The following DIAPH2 variants were observed in gnomAD, a reference collection of about 807,000 sequenced individuals.
DIAPH2 encodes the protein diaphanous related formin 2, also known as protein diaphanous homolog 2.
Under a neutral mutation model 92.7 loss-of-function variants are expected in DIAPH2, and 35 were observed. The ratio of observed to expected loss-of-function variants is 0.38; its 90% CI spans 0.29 to 0.50. The LOEUF (loss-of-function observed/expected upper bound fraction) is 0.50. Ranked by LOEUF, DIAPH2 falls within the 20% of genes least tolerant of loss-of-function variation. The probability of loss-of-function intolerance (pLI) is 0.94; values close to 1 mark genes in which losing one functional copy is unlikely to be tolerated. For missense variants in DIAPH2, 701 were observed against 819.5 expected (o/e 0.86, Z 1.77); for synonymous variants, 301 against 280.4 (o/e 1.07, Z -0.73).
At chrX:96,817,608 C>T (rs1349668797) in intron 4 of DIAPH2, among the ~76,000 whole-genome samples, 4 of 111,294 alleles carry the variant, frequency 3.6e-5, no homozygotes, top group African/African-American at 1.3e-4. Flanking sequence ...ATTTATTTCT[C>T]ACGGTTCTGG....
At chrX:97,503,891 A>G (rs1347220179) in intron 26 of DIAPH2, among the ~76,000 whole-genome samples, 3 of 112,071 alleles carry the variant, frequency 2.7e-5, no homozygotes, top group Non-Finnish European at 3.8e-5. Flanking sequence ...GTCTAATTTT[A>G]TGCATTCAAC....
chrX:97,522,261 C>G (rs2070996221), intron 26 of DIAPH2, among the ~76,000 whole-genome samples: 1 of 111,997 alleles, frequency 8.9e-6, no homozygotes, highest in Non-Finnish European at 1.9e-5. Flanking sequence ...CTCGTGTGAT[C>G]TTGTTACTCT....
chrX:96,988,430 T>C (rs1410691743), intron 17 of DIAPH2, among the ~76,000 whole-genome samples: 1 of 110,353 alleles, frequency 9.1e-6, no homozygotes, highest in Non-Finnish European at 1.9e-5. Flanking sequence ...GCAGTACTTT[T>C]TTTTTTTAAA....
At position 96,773,244 on chromosome X, in the gene DIAPH2, C is replaced by G. The variant is rs564250044; in HGVS notation, c.447+14986C>G. Among the ~76,000 whole-genome samples, 16 of 86,472 alleles carry G rather than the reference C, an allele frequency of 1.9e-4. 1 individual carries two copies. The highest frequency in any genetic ancestry group is 2.4e-4 in the African/African-American group (6 of 24,590). 75.1% of individuals were successfully genotyped at this position (86,472 alleles called of 115,157 possible). A position where few individuals can be genotyped will look rare whatever the true frequency, so the allele number is the denominator to read the frequency against. On this transcript the variant is annotated intron_variant, in intron 4 of 26. Coordinates refer to ENST00000324765, the MANE Select transcript of DIAPH2 (RefSeq NM_006729.5). Reference sequence around the variant, plus strand: ...GTTACCGGCTGAATTGTTTCCCCCCCCCTCCCGCCCTCCCCAAATTTGTAT... The same window carrying G: ...GTTACCGGCTGAATTGTTTCCCCCCGCCTCCCGCCCTCCCCAAATTTGTAT...
chrX:97,414,759 AC>A lies in DIAPH2; in HGVS notation c.3146-14888del, dbSNP rs1475049162. Among the ~76,000 whole-genome samples, 3 of 111,418 alleles carry A rather than the reference AC, an allele frequency of 2.7e-5. No homozygotes were observed. The East Asian group carries it at 8.4e-4, about 31-fold the overall frequency. On this transcript the variant is annotated intron_variant, in intron 25 of 26. Transcript: ENST00000324765. ...AAGTGTTAGACATAAAGCCATAAAAACCCTAGAAGAAAACCTAGGCAATACC... is the reference window on the plus strand; with the variant it reads ...AAGTGTTAGACATAAAGCCATAAAAACCTAGAAGAAAACCTAGGCAATACC...
intron 5 of DIAPH2, chrX:96,884,069 G>C (rs946299361): frequency 2.8e-6 from 1 of 355,105 alleles, no homozygotes; most frequent in Non-Finnish European, 4.9e-6. Flanking sequence ...AGGATTATGC[G>C]ATCAGGTGAG....
rs185414757 is a variant in DIAPH2 at position 97,587,439 on chromosome X, T to C, written c.3242-11814T>C. Among the ~76,000 whole-genome samples, 6 of 111,920 alleles carry C rather than the reference T, an allele frequency of 5.4e-5. No homozygotes were observed. The East Asian group carries it at 1.7e-3, about 31-fold the overall frequency. On this transcript the variant is annotated intron_variant, in intron 26 of 26. Coordinates refer to ENST00000324765, the MANE Select transcript of DIAPH2 (RefSeq NM_006729.5). Reference sequence around the variant, plus strand: ...AGAAAGCAGTCTGGCAACATTTCTATACCCACTGGATGACAATAAGAAAAA... The same window carrying C: ...AGAAAGCAGTCTGGCAACATTTCTACACCCACTGGATGACAATAAGAAAAA...
chrX:97,080,466 A>G (rs1373955192), intron 19 of DIAPH2, among the ~76,000 whole-genome samples: 1 of 103,336 alleles, frequency 9.7e-6, no homozygotes, highest in African/African-American at 3.5e-5. Flanking sequence ...ATCCCCCACA[A>G]TCCCCCTCCC....
intron 23 of DIAPH2, among the ~76,000 whole-genome samples, chrX:97,272,156 G>A (rs765475437): frequency 2.7e-5 from 3 of 110,161 alleles, no homozygotes; most frequent in African/African-American, 6.6e-5. Flanking sequence ...GCACCACCAC[G>A]CCTGGCTAAT....
At chrX:96,826,698 T>G (rs979701800) in intron 4 of DIAPH2, among the ~76,000 whole-genome samples, 2 of 111,779 alleles carry the variant, frequency 1.8e-5, no homozygotes, top group Non-Finnish European at 3.8e-5. Context: ...CAGAGAAGGC[T>G]AGAGCTGGAA....
intron 23 of DIAPH2, among the ~76,000 whole-genome samples, chrX:97,308,878 G>T (rs2068770056): frequency 9.6e-6 from 1 of 104,648 alleles, no homozygotes; most frequent in Non-Finnish European, 2.0e-5. Flanking sequence ...AATTAGCTGG[G>T]CGTGGTGGTG....
intron 26 of DIAPH2, among the ~76,000 whole-genome samples, chrX:97,569,154 A>G (rs1048207633): frequency 5.4e-5 from 6 of 111,768 alleles, no homozygotes; most frequent in Non-Finnish European, 1.1e-4. Flanking sequence ...TAAAACACAT[A>G]CCATATATAA....
chrX:97,596,581 A>G (rs949366302), intron 26 of DIAPH2, among the ~76,000 whole-genome samples: 1 of 111,708 alleles, frequency 9.0e-6, no homozygotes, highest in East Asian at 2.8e-4. Context: ...ATCATATCAC[A>G]TGAGCACCCA....
At chrX:97,034,505 TAA>T (rs201307093) in intron 17 of DIAPH2, among the ~76,000 whole-genome samples, 1 of 98,867 alleles carries the variant, frequency 1.0e-5, no homozygotes, top group Admixed American at 1.1e-4. Flanking sequence ...GAACTCATTC[TAA>T]AAAAAAAAAA....
At chrX:96,962,482 C>T (rs1423920965) in intron 16 of DIAPH2, among the ~76,000 whole-genome samples, 16 of 15,480 alleles carry the variant, frequency 1.0e-3, no homozygotes, top group Non-Finnish European at 1.7e-3. Context: ...TATATATACA[C>T]ACACACACAC....
At chrX:97,312,548 C>A (rs1453411337) in intron 23 of DIAPH2, among the ~76,000 whole-genome samples, 1 of 109,265 alleles carries the variant, frequency 9.2e-6, no homozygotes, top group African/African-American at 3.3e-5. Context: ...CGGGGTTTTG[C>A]CATGCTGGCC....
intron 22 of DIAPH2, among the ~76,000 whole-genome samples, chrX:97,193,681 T>C (rs1284263891): frequency 1.8e-5 from 2 of 112,080 alleles, no homozygotes; most frequent in Admixed American, 1.9e-4. Context: ...ATGGAAAATA[T>C]ACTTGTATAA....
intron 19 of DIAPH2, among the ~76,000 whole-genome samples, chrX:97,087,822 A>G (rs1408754502): frequency 2.7e-5 from 3 of 111,182 alleles, no homozygotes; most frequent in Non-Finnish European, 5.7e-5. Context: ...GAGTATCCCA[A>G]AAAGAACTCA....
chrX:96,797,892 T>G (rs1371910532), intron 4 of DIAPH2, among the ~76,000 whole-genome samples: 1 of 112,771 alleles, frequency 8.9e-6, no homozygotes, highest in East Asian at 2.8e-4. Context: ...GATGTACTTT[T>G]GAGGTGTTTT....
Sources: gnomAD v4.1 joint callset for allele counts (sites outside exome capture counted in the v4.1 genomes callset) on GRCh38, gnomAD v4.1.1 for gene constraint, MANE v1.5 for transcripts, NCBI Gene and HGNC (gene_info 2026-07-23, HGNC 2026-07-21) for gene names.